Variants in ESRRG observed in about 807,000 individuals in gnomAD.
ESRRG encodes estrogen-related receptor gamma.
A neutral mutation model predicts 44.0 loss-of-function variants in ESRRG; 13 were observed. That is an observed-to-expected ratio of 0.30 (90% CI 0.19 to 0.47). The LOEUF (loss-of-function observed/expected upper bound fraction) is 0.47, where lower values mean the gene tolerates loss of function less well. Among genes scored for constraint, ESRRG ranks in the 20% least tolerant of loss-of-function variants. The probability of loss-of-function intolerance (pLI) is 1.00; values close to 1 mark genes in which losing one functional copy is unlikely to be tolerated. For missense variants in ESRRG, 395 were observed against 580.6 expected, an observed-to-expected ratio of 0.68 and a Z score of 3.29; for synonymous variants, 215 against 214.6, an observed-to-expected ratio of 1.00 and a Z score of -0.02.
intron 2 of ESRRG, among the ~76,000 whole-genome samples, chr1:216,839,059 T>C (rs2148846948): frequency 6.6e-6 from 1 of 152,274 alleles, no homozygotes; most frequent in South Asian, 2.1e-4. Flanking sequence ...TTGAAAGAAG[T>C]TTTACTACCC....
Position 216,787,117 on chromosome 1 carries a change from C to T in ESRRG, c.-13-109626G>A, listed in dbSNP as rs79828612. Among the ~76,000 whole-genome samples the T allele has an allele frequency of 9.2e-5, 14 of 152,142 alleles. No homozygotes were observed. The East Asian group carries it at 1.7e-3, about 19-fold the overall frequency. ...TTCAAACTTTAAGGTGATCTGTGAT[C>T]GGTGATCGTTAATGTTACTGTTGTA... On this transcript the variant is annotated intron_variant, in intron 2 of 7. Coordinates refer to the ESRRG transcript ENST00000359162.
chr1:216,698,474 A>G (rs1030738279), intron 1 of ESRRG, among the ~76,000 whole-genome samples: 4 of 143,210 alleles, frequency 2.8e-5, no homozygotes, highest in South Asian at 2.3e-4. Flanking sequence ...AGCCGAGATC[A>G]CGCCACTGCA....
intron 2 of ESRRG, among the ~76,000 whole-genome samples, chr1:216,909,274 G>C (rs1039341900): frequency 6.6e-6 from 1 of 152,124 alleles, no homozygotes; most frequent in African/African-American, 2.4e-5. Context: ...ATGCAATTTA[G>C]ATTCACAAAA....
intron 1 of ESRRG, among the ~76,000 whole-genome samples, chr1:217,115,341 A>G (rs1391631726): frequency 6.6e-6 from 1 of 152,246 alleles, no homozygotes; most frequent in Non-Finnish European, 1.5e-5. Context: ...AGTCTCATCC[A>G]TGCATGATCC....
At chr1:217,074,541 T>C (rs773811309) in intron 1 of ESRRG, among the ~76,000 whole-genome samples, 2 of 151,982 alleles carry the variant, frequency 1.3e-5, no homozygotes, top group Non-Finnish European at 2.9e-5. Context: ...TGGTTTTTAA[T>C]AACAGTGTTA....
chr1:216,525,826 G>C (rs1030862480), intron 5 of ESRRG, among the ~76,000 whole-genome samples: 4 of 152,068 alleles, frequency 2.6e-5, no homozygotes, highest in African/African-American at 9.7e-5. Context: ...GGTAGAACTA[G>C]GTCAAGAAAT....
intron 1 of ESRRG, among the ~76,000 whole-genome samples, chr1:216,982,764 G>A (rs932609693): frequency 2.0e-5 from 3 of 152,144 alleles, no homozygotes; most frequent in Non-Finnish European, 2.9e-5. Context: ...AGGCAAAGAG[G>A]TTCTTTTGGT....
chr1:216,763,787 T>C (rs12075743), intron 2 of ESRRG, among the ~76,000 whole-genome samples: 6,349 of 152,222 alleles, frequency 0.042, 195 homozygotes, highest in Non-Finnish European at 0.045. Context: ...TTACGAGCTC[T>C]GGGTAAACTG....
chr1:216,552,581 A>C (rs773597760), intron 5 of ESRRG, among the ~76,000 whole-genome samples: 5 of 152,166 alleles, frequency 3.3e-5, no homozygotes, highest in Non-Finnish European at 5.9e-5. Context: ...AGGTATTGCT[A>C]ACCCCAACTT....
chr1:217,017,478 C>CAAAAAAAAAAAAA (rs55820027), intron 1 of ESRRG, among the ~76,000 whole-genome samples: 2 of 82,488 alleles, frequency 2.4e-5, no homozygotes, highest in African/African-American at 4.5e-5. Context: ...CTACATAACT[C>CAAAAAAAAAAAAA]AAAAAAAAAA....
chr1:217,131,074 G>C (rs1335240899), intron 1 of ESRRG, among the ~76,000 whole-genome samples: 1 of 152,110 alleles, frequency 6.6e-6, no homozygotes, highest in Admixed American at 6.5e-5. Flanking sequence ...GCAATTAAAG[G>C]CAGATTCAGT....
At chr1:217,042,530 C>A (rs1457449144) in intron 1 of ESRRG, among the ~76,000 whole-genome samples, 1 of 150,960 alleles carries the variant, frequency 6.6e-6, no homozygotes, top group Non-Finnish European at 1.5e-5. Flanking sequence ...TGTGCTCTGA[C>A]ATCCTGCAGC....
intron 1 of ESRRG, among the ~76,000 whole-genome samples, chr1:217,015,181 A>G (rs1225631739): frequency 2.0e-5 from 3 of 152,074 alleles, no homozygotes; most frequent in Admixed American, 2.0e-4. Context: ...TAGCTTCTGG[A>G]TTTCTGAAAA....
At chr1:216,846,632 G>C (rs1178576468) in intron 2 of ESRRG, among the ~76,000 whole-genome samples, 1 of 152,122 alleles carries the variant, frequency 6.6e-6, no homozygotes, top group East Asian at 1.9e-4. Flanking sequence ...ATGCATAAAA[G>C]TGTAATCACT....
chr1:216,923,692 C>T (rs2062129551), intron 2 of ESRRG, among the ~76,000 whole-genome samples: 1 of 152,192 alleles, frequency 6.6e-6, no homozygotes, highest in African/African-American at 2.4e-5. Context: ...ATCAACATTC[C>T]ATGCATCCGC....
chr1:217,005,107 C>A (rs575434302), intron 1 of ESRRG, among the ~76,000 whole-genome samples: 8 of 152,204 alleles, frequency 5.3e-5, no homozygotes, highest in African/African-American at 1.9e-4. Flanking sequence ...CAAACCAAGA[C>A]CAAAACCAAA....
At chr1:216,980,959 A>G (rs935583129) in intron 1 of ESRRG, among the ~76,000 whole-genome samples, 1 of 152,116 alleles carries the variant, frequency 6.6e-6, no homozygotes, top group Non-Finnish European at 1.5e-5. Flanking sequence ...TAGGGAAACT[A>G]CTATTTATCC....
intron 1 of ESRRG, among the ~76,000 whole-genome samples, chr1:217,059,428 A>G (rs1322876426): frequency 6.6e-6 from 1 of 152,140 alleles, no homozygotes; most frequent in East Asian, 1.9e-4. Context: ...TAGTCTTCAA[A>G]TAATATTTCT....
chr1:216,611,626 A>G lies in ESRRG; in HGVS notation c.589+39347T>C, dbSNP rs571911825. On this transcript the variant is annotated intron_variant, in intron 3 of 6. Coordinates refer to ENST00000408911, the MANE Select transcript of ESRRG (RefSeq NM_001438.4). ...CAAAACTATGGGTTTTGGTCACAAA[A>G]CTGGGTTTAGAGGCAGTGAGAGGAG... Among the ~76,000 whole-genome samples, 34 of 152,236 alleles carry G rather than the reference A, an allele frequency of 2.2e-4. No individual in the cohort carries two copies. In the South Asian group the frequency reaches 3.7e-3, roughly 17 times the overall value.
Sources: allele counts gnomAD v4.1 joint callset (sites outside exome capture counted in the v4.1 genomes callset), GRCh38; gene constraint gnomAD v4.1.1; transcripts MANE v1.5; gene names NCBI Gene and HGNC (gene_info 2026-07-23, HGNC 2026-07-21).